Variants in COPG2 observed in about 807,000 individuals in gnomAD.
The protein encoded by COPG2 is coat protein complex I subunit gamma 2, also known as coatomer subunit gamma-2.
In COPG2, 37 loss-of-function variants were observed where a neutral mutation model predicts 46.3. The ratio of observed to expected loss-of-function variants is 0.80; its 90% confidence interval spans 0.61 to 1.05. COPG2 has a LOEUF of 1.05. COPG2 is among the 50% of genes least tolerant of loss of function. The pLI is 0.00. For missense variants in COPG2, 427 were observed against 387.8 expected (o/e 1.10, Z -0.85); for synonymous variants, 159 against 129.7 (o/e 1.23, Z -1.53).
chr7:130,535,732 G>A (rs1299965124), intron 20 of COPG2, among the ~76,000 whole-genome samples: 29 of 54,978 alleles, frequency 5.3e-4, no homozygotes, highest in Non-Finnish European at 9.9e-4. Flanking sequence ...TGGGGGAGGG[G>A]TTGGGGTGGG....
intron 5 of COPG2, among the ~76,000 whole-genome samples, chr7:130,629,227 G>A (rs1282473623): frequency 4.0e-5 from 6 of 151,540 alleles, no homozygotes; most frequent in African/African-American, 1.5e-4. Context: ...TTTTCTTTTT[G>A]GCAGTTTCAC....
intron 2 of COPG2, 34 bp downstream of exon 2, chr7:130,667,448 A>T: frequency 6.3e-7 from 1 of 1,590,096 alleles, no homozygotes. Context: ...AACAGAATAG[A>T]AAAGAAAGGG....
At chr7:130,663,932 G>T (rs1796027410) in intron 3 of COPG2, among the ~76,000 whole-genome samples, 1 of 151,690 alleles carries the variant, frequency 6.6e-6, no homozygotes, top group African/African-American at 2.4e-5. Context: ...GTAGAGACGG[G>T]GTTTCACCAT....
intron 5 of COPG2, among the ~76,000 whole-genome samples, chr7:130,641,685 T>C (rs1164012589): frequency 2.6e-5 from 4 of 152,210 alleles, no homozygotes; most frequent in African/African-American, 7.2e-5. Context: ...CATTTTCTTG[T>C]TCTAAACCAT....
chr7:130,663,098 A>C, intron 3 of COPG2, 60 bp from the exon 4 acceptor site: 1 of 816,438 alleles, frequency 1.2e-6, no homozygotes, highest in South Asian at 2.0e-5. Flanking sequence ...ATATATGTAC[A>C]TATACACACA....
intron 20 of COPG2, among the ~76,000 whole-genome samples, chr7:130,536,645 C>T (rs1428569016): frequency 6.6e-6 from 1 of 152,074 alleles, no homozygotes; most frequent in Non-Finnish European, 1.5e-5. Flanking sequence ...GGAAGATGCA[C>T]GTGCAGCGGG....
intron 5 of COPG2, among the ~76,000 whole-genome samples, chr7:130,627,769 G>A (rs1467048947): frequency 2.1e-4 from 30 of 144,558 alleles, no homozygotes; most frequent in African/African-American, 5.7e-4. Flanking sequence ...TGGGGATGCG[G>A]GGGGTGGGGG....
chr7:130,582,902 C>T (rs1554447396), intron 9 of COPG2, among the ~76,000 whole-genome samples: 1 of 151,878 alleles, frequency 6.6e-6, no homozygotes, highest in Non-Finnish European at 1.5e-5. Flanking sequence ...GTTGGTGGGA[C>T]TGTAAACTAG....
At chr7:130,585,743 A>T (rs1794253133) in intron 9 of COPG2, among the ~76,000 whole-genome samples, 1 of 152,100 alleles carries the variant, frequency 6.6e-6, no homozygotes, top group African/African-American at 2.4e-5. Context: ...GATCAGGGAA[A>T]TGCAAATCAA....
chr7:130,598,336 C>T (rs782444904), intron 9 of COPG2, among the ~76,000 whole-genome samples: 1 of 152,120 alleles, frequency 6.6e-6, no homozygotes, highest in Non-Finnish European at 1.5e-5. Context: ...GAAAGGGAAG[C>T]CGTACTCCAA....
At chr7:130,567,315 C>T (rs1467781510) in intron 9 of COPG2, among the ~76,000 whole-genome samples, 1 of 152,048 alleles carries the variant, frequency 6.6e-6, no homozygotes, top group African/African-American at 2.4e-5. Context: ...TGAGATTATG[C>T]TAAATGACCA....
In COPG2 at chr7:130,547,825, G is replaced by C. The variant is rs1439190101; in HGVS notation, c.1998C>G (p.Leu666=). 7 of 398,992 alleles carry C rather than the reference G, an allele frequency of 1.8e-5. No individual in the cohort carries two copies. Among genetic ancestry groups the C allele is most frequent in the Non-Finnish European group, 2.7e-5 (6 of 226,324 alleles). 24.7% of individuals were successfully genotyped at this position (398,992 alleles called of 1,614,324 possible). ...TCACTTTTTCCAGCAGCTGGTCATTGAGAGTGTTGGTGCAGTCAAACTGAA... is the reference window on the plus strand; with the variant it reads ...TCACTTTTTCCAGCAGCTGGTCATTCAGAGTGTTGGTGCAGTCAAACTGAA... ...IVFQFDCTNT[L]NDQLLEKVTV... Residue 666 remains leucine, a synonymous_variant, in exon 20 of 24, where the codon CTC becomes CTG. Coordinates refer to ENST00000425248, the MANE Select transcript of COPG2 (RefSeq NM_012133.6).
At chr7:130,652,784 T>C in intron 5 of COPG2, 85 bp downstream of exon 5, 1 of 861,900 alleles carries the variant, frequency 1.2e-6, no homozygotes, top group East Asian at 2.6e-5. Flanking sequence ...TCCTATTGGC[T>C]TTCTTATGGT....
intron 9 of COPG2, among the ~76,000 whole-genome samples, chr7:130,569,855 C>T (rs1387267770): frequency 1.3e-5 from 2 of 152,240 alleles, no homozygotes; most frequent in African/African-American, 4.8e-5. Flanking sequence ...AAGATATCCA[C>T]CATGACCAAG....
intron 9 of COPG2, among the ~76,000 whole-genome samples, chr7:130,588,204 T>C (rs1306645950): frequency 1.3e-5 from 2 of 151,906 alleles, no homozygotes; most frequent in Admixed American, 1.3e-4. Context: ...GGTGGGACTG[T>C]AAACTAGTTC....
intron 9 of COPG2, among the ~76,000 whole-genome samples, chr7:130,609,827 T>C (rs1310527489): frequency 6.6e-6 from 1 of 152,222 alleles, no homozygotes; most frequent in East Asian, 1.9e-4. Flanking sequence ...TATTGTATTT[T>C]TTGGTTCAAG....
At chr7:130,573,666 A>G (rs1793950568) in intron 9 of COPG2, among the ~76,000 whole-genome samples, 1 of 152,166 alleles carries the variant, frequency 6.6e-6, no homozygotes, top group African/African-American at 2.4e-5. Context: ...TAAAAACCAC[A>G]TAATTATCTT....
At chr7:130,667,334 C>A in intron 2 of COPG2, 148 bp downstream of exon 2, 1 of 635,354 alleles carries the variant, frequency 1.6e-6, no homozygotes, top group Non-Finnish European at 2.7e-6. Context: ...ACAAGTAACC[C>A]CTCTTTCTTT....
At position 130,597,158 on chromosome 7, in the gene COPG2, G is replaced by C. The variant is rs576267930; in HGVS notation, c.737+13795C>G. ...GAAATGTACCCCCAGACTCCTGCTA[G>C]TCCATCTCCTTACCAACCTTCACAC... On this transcript the variant is annotated intron_variant, in intron 9 of 23. Coordinates refer to ENST00000425248, the MANE Select transcript of COPG2 (RefSeq NM_012133.6). 2.6e-5 allele frequency among the ~76,000 whole-genome samples: 4 copies of C among 152,312 alleles called. No homozygotes were observed. In the South Asian group the frequency reaches 8.3e-4, roughly 32 times the overall value.
Sources: gnomAD v4.1 joint callset for allele counts (sites outside exome capture counted in the v4.1 genomes callset) on GRCh38, gnomAD v4.1.1 for gene constraint, MANE v1.5 for transcripts, NCBI Gene and HGNC (gene_info 2026-07-23, HGNC 2026-07-21) for gene names.